The following SLC9A3 variants were observed in gnomAD, a reference collection of about 807,000 sequenced individuals.
SLC9A3 encodes the protein sodium/hydrogen exchanger 3.
In SLC9A3, 37 loss-of-function variants were observed where a neutral mutation model predicts 86.8. The observed-to-expected ratio is 0.43, with a 90% CI of 0.33 to 0.56. SLC9A3 has a LOEUF of 0.56. SLC9A3 is among the 20% of genes least tolerant of loss of function. The probability of loss-of-function intolerance (pLI) is 0.06; values close to 1 mark genes in which losing one functional copy is unlikely to be tolerated. For missense variants in SLC9A3, 1,011 were observed against 1,171.9 expected (o/e 0.86, Z 2.00); for synonymous variants, 581 against 528.3 (o/e 1.10, Z -1.37).
rs944778275 is a variant in SLC9A3 at position 473,037 on chromosome 5, A to C, written c.*342T>G. The C allele has an allele frequency of 4.2e-5, 16 of 379,470 alleles. No homozygotes were observed. The highest frequency in any genetic ancestry group is 6.4e-5 in the African/African-American group (3 of 46,972). 23.5% of individuals were successfully genotyped at this position (379,470 alleles called of 1,614,324 possible). A position where few individuals can be genotyped will look rare whatever the true frequency, so the allele number is the denominator to read the frequency against. ...CGAGGGCGGCAGCGACGCCAGCTTC[A>C]GCAGCGCGGGGCGGCGGCGCGCGCG... On this transcript the variant is annotated 3_prime_UTR_variant, in exon 17 of 17. Transcript: ENST00000264938.
chr5:516,510 G>T (rs990314208), intron 1 of SLC9A3, among the ~76,000 whole-genome samples: 2 of 152,260 alleles, frequency 1.3e-5, no homozygotes, highest in African/African-American at 4.8e-5. Context: ...CCAGCACCAA[G>T]TCAGGGCCTG....
At chr5:520,714 A>T (rs2458819) in intron 1 of SLC9A3, among the ~76,000 whole-genome samples, 1 of 152,094 alleles carries the variant, frequency 6.6e-6, no homozygotes, top group African/African-American at 2.4e-5. Flanking sequence ...GACCCACCCT[A>T]GGCCTCCTCC....
chr5:491,037 G>A lies in SLC9A3; in HGVS notation c.514+732C>T, dbSNP rs570217232. ...TCTCTCTTGAACCAGACGGAAAATC[G>A]CCAATTCTTGTGAGTCTGGTTCAGC... On this transcript the variant is annotated intron_variant, in intron 2 of 16. Transcript: ENST00000264938. This position sits in a 1 kb window ranked among gnomAD's most constrained non-coding sequence, Gnocchi z 9.2. Among the ~76,000 whole-genome samples the A allele has an allele frequency of 6.6e-5, 10 of 152,314 alleles. No individual in the cohort carries two copies. The highest frequency in any genetic ancestry group is 1.9e-4 in the African/African-American group (8 of 41,576).
chr5:517,927 C>T (rs1195845547), intron 1 of SLC9A3, among the ~76,000 whole-genome samples: 1 of 152,068 alleles, frequency 6.6e-6, no homozygotes, highest in Non-Finnish European at 1.5e-5. Flanking sequence ...CATCCATTCA[C>T]TCCATTCATC....
chr5:475,139 G>C lies in SLC9A3; in HGVS notation c.2252-7C>G. 2 of 1,571,592 alleles carry C rather than the reference G, an allele frequency of 1.3e-6. No individual in the cohort carries two copies. Among genetic ancestry groups the C allele is most frequent in the East Asian group, 2.3e-5 (1 of 44,328 alleles). ...AACACAGGGTTGTCAATTCCTAGGA[G>C]AGAGGGCAGCGGCTAGTCAGCCTTC... is the stretch of plus-strand genomic sequence containing the variant. On this transcript the variant is annotated splice_region_variant and splice_polypyrimidine_tract_variant and intron_variant, in intron 15 of 16. Transcript: ENST00000264938.
intron 1 of SLC9A3, among the ~76,000 whole-genome samples, chr5:500,225 G>T (rs377498404): frequency 3.9e-5 from 6 of 152,202 alleles, no homozygotes; most frequent in Non-Finnish European, 8.8e-5. Context: ...CTCCCGAGAC[G>T]CACTATGCAG....
In SLC9A3 at chr5:492,123, G is replaced by A. The variant is rs773397932; in HGVS notation, c.212-52C>T. 5.5e-6 allele frequency: 6 copies of A among 1,086,612 alleles called. No individual in the cohort carries two copies. The Admixed American group carries it at 1.9e-4, about 34-fold the overall frequency. 67.3% of individuals were successfully genotyped at this position (1,086,612 alleles called of 1,614,324 possible). On this transcript the variant is annotated intron_variant, in intron 1 of 16. Coordinates refer to ENST00000264938, the MANE Select transcript of SLC9A3 (RefSeq NM_004174.4). ...GCCGGGCTGTGAGGGAGGGGAGGGA[G>A]GTCAGGGCCGGGCTGTGAGGGAGGG...
At chr5:490,251 T>TGGCC (rs1553996845) in intron 2 of SLC9A3, among the ~76,000 whole-genome samples, 1 of 152,174 alleles carries the variant, frequency 6.6e-6, no homozygotes, top group South Asian at 2.1e-4. Context: ...GGCACAGCGA[T>TGGCC]ACCTGGGACA....
In SLC9A3 at chr5:492,004, C is replaced by T. The variant is rs1483020685; in HGVS notation, c.279G>A (p.Leu93=). ...PESALLIVLG[L]VLGGIVWAAD... ...CCGCCCAGACGATGCCGCCCAGCAC[C>T]AGGCCCAGCACGATGAGCAGGGCGC... The change falls in exon 2 of 17, where the codon CTG becomes CTA. Residue 93 remains leucine, a synonymous_variant. Coordinates refer to ENST00000264938, the MANE Select transcript of SLC9A3 (RefSeq NM_004174.4). 1 of 1,596,512 alleles carries T rather than the reference C, an allele frequency of 6.3e-7. No individual in the cohort carries two copies.
intron 16 of SLC9A3, among the ~76,000 whole-genome samples, chr5:474,592 G>A (rs1318667537): frequency 1.5e-5 from 1 of 65,860 alleles, no homozygotes; most frequent in African/African-American, 8.9e-5. Flanking sequence ...GGGGTTAGGC[G>A]GGGAGGGAGA....
chr5:519,615 G>A (rs919306571), intron 1 of SLC9A3, among the ~76,000 whole-genome samples: 2 of 152,196 alleles, frequency 1.3e-5, no homozygotes, highest in South Asian at 4.1e-4. Context: ...GGGTCCGGGA[G>A]TCAAGTGTCG....
Position 472,384 on chromosome 5 carries a change from G to A in SLC9A3, c.*995C>T, listed in dbSNP as rs1180556912. ...CCTCCATGCCCCCTGGTTTGTTAAG[G>A]GGGACAGAGCAGCTGCTGGGCCCCA... is the stretch of plus-strand genomic sequence containing the variant. On this transcript the variant is annotated 3_prime_UTR_variant, in exon 17 of 17. Coordinates refer to ENST00000264938, the MANE Select transcript of SLC9A3 (RefSeq NM_004174.4). 5 of 335,636 alleles carry A rather than the reference G, an allele frequency of 1.5e-5. No homozygotes were observed. In the East Asian group the frequency reaches 3.5e-4, roughly 23 times the overall value. 20.8% of individuals were successfully genotyped at this position (335,636 alleles called of 1,614,324 possible). A position where few individuals can be genotyped will look rare whatever the true frequency, so the allele number is the denominator to read the frequency against.
chr5:480,076 T>A, intron 9 of SLC9A3, 111 bp from the exon 10 acceptor site: 1 of 1,236,586 alleles, frequency 8.1e-7, no homozygotes, highest in Non-Finnish European at 1.1e-6. Context: ...AGTGACCCTG[T>A]AGGCGCGTTT....
At position 470,820 on chromosome 5, in the gene SLC9A3, T is replaced by A. The variant is rs1738315495; in HGVS notation, c.*2559A>T. ...ACAGAAGTGAGAAATAGTGATTTCC[T>A]CAATTTGTTTATAGTCTATCACAAA... is the stretch of plus-strand genomic sequence containing the variant. On this transcript the variant is annotated 3_prime_UTR_variant, in exon 17 of 17. Transcript: ENST00000264938. The A allele has an allele frequency of 6.6e-6, 1 of 152,394 alleles. No individual in the cohort carries two copies. 9.4% of individuals were successfully genotyped at this position (152,394 alleles called of 1,614,324 possible).
Position 482,554 on chromosome 5 carries a change from G to A in SLC9A3, c.1350C>T (p.Ile450=), listed in dbSNP as rs371650225. The change falls in exon 7 of 17, where the codon ATC becomes ATT. Residue 450 remains isoleucine (I), a synonymous_variant. Transcript: ENST00000264938. ...TTIIVVFFTV[I]FQGLTIKPLV... is the part of the protein sequence containing the mutation. Reference sequence around the variant, plus strand: ...TGGCTGGGCTGGGCCTCACCTGGAAGATGACGGTGAAGAACACTACGATGA... The same window carrying A: ...TGGCTGGGCTGGGCCTCACCTGGAAAATGACGGTGAAGAACACTACGATGA... 29 of 1,609,578 alleles carry A rather than the reference G, an allele frequency of 1.8e-5. No homozygotes were observed. Among genetic ancestry groups the A allele is most frequent in the Middle Eastern group, 3.3e-4 (2 of 6,068 alleles).
chr5:494,217 G>A (rs894566428), intron 1 of SLC9A3, among the ~76,000 whole-genome samples: 3 of 152,358 alleles, frequency 2.0e-5, no homozygotes, highest in African/African-American at 7.2e-5. Flanking sequence ...CGACAGCCCC[G>A]TCCTCAGCAG....
intron 1 of SLC9A3, among the ~76,000 whole-genome samples, chr5:511,089 C>T (rs1278117708): frequency 6.6e-6 from 1 of 152,230 alleles, no homozygotes; most frequent in African/African-American, 2.4e-5. Context: ...CGAACACACA[C>T]CAGCAAAACT....
Position 473,288 on chromosome 5 carries a change from G to T in SLC9A3, c.*91C>A, listed in dbSNP as rs1304470301. ...CTCGCGGTCGCTGTAGCCGCGCGGG[G>T]ATCTGGGGTTTCTCTGGGACAGCGG... is the stretch of plus-strand genomic sequence containing the variant. On this transcript the variant is annotated 3_prime_UTR_variant, in exon 17 of 17. Transcript: ENST00000264938. The T allele has an allele frequency of 8.5e-6, 11 of 1,293,646 alleles. No homozygotes were observed. The highest frequency in any genetic ancestry group is 1.1e-5 in the Non-Finnish European group (11 of 1,006,080). The allele number at this position is 1,293,646 out of a possible 1,614,324, so 80.1% of individuals were successfully genotyped here. A position where few individuals can be genotyped will look rare whatever the true frequency, so the allele number is the denominator to read the frequency against.
intron 1 of SLC9A3, among the ~76,000 whole-genome samples, chr5:506,901 A>C (rs1034674007): frequency 6.7e-6 from 1 of 149,716 alleles, no homozygotes; most frequent in East Asian, 2.0e-4. Context: ...CAAAACAAAA[A>C]AAAAATACAA....
Sources: gnomAD v4.1 joint callset for allele counts (sites outside exome capture counted in the v4.1 genomes callset) on GRCh38, gnomAD v4.1.1 for gene constraint, Gnocchi (gnomAD v3.1) non-coding constraint, MANE v1.5 for transcripts, NCBI Gene and HGNC (gene_info 2026-07-23, HGNC 2026-07-21) for gene names.